Variants in GREB1L observed in about 807,000 individuals in gnomAD.
The protein encoded by GREB1L is GREB1 like retinoic acid receptor coactivator.
Under a neutral mutation model 200.8 loss-of-function variants are expected in GREB1L, and 17 were observed. The ratio of observed to expected loss-of-function variants is 0.08; its 90% CI spans 0.06 to 0.13. The LOEUF (loss-of-function observed/expected upper bound fraction) is 0.13. GREB1L is among the 10% of genes least tolerant of loss of function. The pLI, the probability that GREB1L is intolerant of heterozygous loss-of-function variation, is 1.00. For synonymous variants in GREB1L, 789 were observed against 893.0 expected, an observed-to-expected ratio of 0.88 and a Z score of 2.08; for missense variants, 1,657 against 2,367.7, an observed-to-expected ratio of 0.70 and a Z score of 6.23.
At chr18:21,482,547 C>T (rs1409621839) in intron 17 of GREB1L, among the ~76,000 whole-genome samples, 1 of 152,012 alleles carries the variant, frequency 6.6e-6, no homozygotes, top group Non-Finnish European at 1.5e-5. Context: ...GCGTGAGCCA[C>T]CGCGCCTGGC....
At chr18:21,377,543 A>G (rs2040122035) in intron 2 of GREB1L, among the ~76,000 whole-genome samples, 1 of 152,158 alleles carries the variant, frequency 6.6e-6, no homozygotes, top group Non-Finnish European at 1.5e-5. Context: ...TGGGAGGCCG[A>G]GGCGAGCAGA....
intron 14 of GREB1L, chr18:21,452,447 C>T (rs1377999726): frequency 2.3e-5 from 11 of 483,848 alleles, no homozygotes; most frequent in Middle Eastern, 5.4e-4. Flanking sequence ...AAGTCAAAGA[C>T]TTTATCTTAA....
At chr18:21,260,945 A>G (rs1351346292) in intron 1 of GREB1L, among the ~76,000 whole-genome samples, 1 of 152,022 alleles carries the variant, frequency 6.6e-6, no homozygotes, top group Non-Finnish European at 1.5e-5. Flanking sequence ...AAAACCTATT[A>G]AACAGCCAAT....
In GREB1L at chr18:21,383,525, AAT is replaced by A; in HGVS notation, c.8_9del (p.Asn3IlefsTer12). On this transcript the variant is annotated frameshift_variant, in exon 3 of 33. Coordinates refer to ENST00000424526, the MANE Select transcript of GREB1L (RefSeq NM_001142966.3). LOFTEE classifies it high-confidence loss of function. ...GGATGGGTAGGTGTAGATCATGGGGAATTCATATGCTGGGCAACTGAAATCTG... is the reference window on the plus strand; with the variant it reads ...GGATGGGTAGGTGTAGATCATGGGGATCATATGCTGGGCAACTGAAATCTG... The part of the protein sequence containing the change: MG[N>X]SYAGQLKSAR... 7.5e-7 allele frequency: 1 copy of A among 1,337,248 alleles called. No homozygotes were observed. Among genetic ancestry groups the A allele is most frequent in the Admixed American group, 2.9e-5 (1 of 34,044 alleles). 82.8% of individuals were successfully genotyped at this position (1,337,248 alleles called of 1,614,324 possible). A position where few individuals can be genotyped will look rare whatever the true frequency, so the allele number is the denominator to read the frequency against.
intron 1 of GREB1L, among the ~76,000 whole-genome samples, chr18:21,252,386 C>T (rs543922201): frequency 4.5e-4 from 67 of 149,760 alleles, no homozygotes; most frequent in Admixed American, 7.3e-4. Flanking sequence ...GGAGAAACCC[C>T]GTCTCCACTA....
In GREB1L at chr18:21,516,705, A is replaced by G; in HGVS notation, c.5222A>G (p.His1741Arg). 3 of 1,551,550 alleles carry G rather than the reference A, an allele frequency of 1.9e-6. No homozygotes were observed. Among genetic ancestry groups the G allele is most frequent in the African/African-American group, 1.4e-5 (1 of 73,158 alleles). ...RFNNFSLMKK[H>R]VQVGGQRDFI... ...AATAACTTCAGTCTCATGAAGAAAC[A>G]TGTTCAGGTTGGAGGGCAAAGGGAC... is the stretch of plus-strand genomic sequence containing the variant. The change falls in exon 30 of 33, where the codon CAT becomes CGT. Residue 1741 changes from histidine to arginine, a missense_variant. His to Arg is a conservative substitution (Grantham distance 29). Around this residue, in one of 9 missense-constraint regions of GREB1L, gnomAD observed 190 missense variants for 230.2 expected, o/e 0.83. Transcript: ENST00000424526.
intron 31 of GREB1L, among the ~76,000 whole-genome samples, chr18:21,519,236 A>G (rs1021106201): frequency 3.3e-5 from 5 of 152,172 alleles, no homozygotes; most frequent in African/African-American, 7.2e-5. Flanking sequence ...CTGAGGTGGG[A>G]GGATCACTTG....
intron 17 of GREB1L, among the ~76,000 whole-genome samples, chr18:21,478,132 A>T (rs1406461735): frequency 6.6e-6 from 1 of 152,132 alleles, no homozygotes; most frequent in African/African-American, 2.4e-5. Flanking sequence ...TTGCTCCTCC[A>T]GCAACTGGGT....
intron 2 of GREB1L, among the ~76,000 whole-genome samples, chr18:21,378,800 A>G (rs1469552436): frequency 6.6e-6 from 1 of 152,024 alleles, no homozygotes; most frequent in Non-Finnish European, 1.5e-5. Context: ...AATATTGCTA[A>G]TGCTTTTGTA....
At chr18:21,300,227 C>G (rs992582335) in intron 1 of GREB1L, among the ~76,000 whole-genome samples, 1 of 152,140 alleles carries the variant, frequency 6.6e-6, no homozygotes, top group African/African-American at 2.4e-5. Context: ...TTATGGGGTA[C>G]TTAGCCATTT....
intron 1 of GREB1L, among the ~76,000 whole-genome samples, chr18:21,334,812 T>C (rs920904250): frequency 1.6e-4 from 24 of 152,110 alleles, no homozygotes; most frequent in African/African-American, 5.3e-4. Context: ...CCTTTTGTGC[T>C]CTCTTTTAGC....
At chr18:21,501,013 G>A (rs1483410721) in intron 23 of GREB1L, among the ~76,000 whole-genome samples, 2 of 147,178 alleles carry the variant, frequency 1.4e-5, no homozygotes, top group South Asian at 2.1e-4. Flanking sequence ...GTTGCAGTGA[G>A]CCAAGATCAC....
chr18:21,431,268 G>T (rs941705730), intron 7 of GREB1L, among the ~76,000 whole-genome samples: 1 of 151,942 alleles, frequency 6.6e-6, no homozygotes, highest in East Asian at 1.9e-4. Flanking sequence ...CAAGTGATCC[G>T]CCTGCCTCGG....
chr18:21,411,311 A>G (rs913233841), intron 7 of GREB1L, among the ~76,000 whole-genome samples: 27 of 151,746 alleles, frequency 1.8e-4, no homozygotes, highest in Admixed American at 1.6e-3. Context: ...GGTTCACACC[A>G]TTCTCCTGCC....
At chr18:21,504,004 C>T (rs1430542432) in intron 23 of GREB1L, among the ~76,000 whole-genome samples, 1 of 152,032 alleles carries the variant, frequency 6.6e-6, no homozygotes, top group African/African-American at 2.4e-5. Flanking sequence ...TGCAGTGGCA[C>T]GATCTCAACT....
In GREB1L at chr18:21,251,790, C is replaced by G. The variant is rs1238112215; in HGVS notation, c.-120+9397C>G. On this transcript the variant is annotated intron_variant, in intron 1 of 32. Coordinates refer to ENST00000424526, the MANE Select transcript of GREB1L (RefSeq NM_001142966.3). ...TGAAACCCAGTCTGTACTAAAAATACAAAGATTAGCTGGGCATGGTGGCGC... is the reference window on the plus strand; with the variant it reads ...TGAAACCCAGTCTGTACTAAAAATAGAAAGATTAGCTGGGCATGGTGGCGC... Among the ~76,000 whole-genome samples the G allele has an allele frequency of 3.9e-5, 6 of 152,116 alleles. No individual in the cohort carries two copies. The East Asian group carries it at 1.2e-3, about 29-fold the overall frequency.
chr18:21,419,747 C>T (rs895085898), intron 7 of GREB1L, among the ~76,000 whole-genome samples: 11 of 152,196 alleles, frequency 7.2e-5, no homozygotes, highest in African/African-American at 2.7e-4. Context: ...CTGTGCCCAC[C>T]CACAACTGAC....
At chr18:21,357,725 G>C (rs144832975) in intron 1 of GREB1L, among the ~76,000 whole-genome samples, 1 of 152,308 alleles carries the variant, frequency 6.6e-6, no homozygotes, top group Non-Finnish European at 1.5e-5. Context: ...TGAAGAGACT[G>C]TTCTTCCCCA....
intron 1 of GREB1L, among the ~76,000 whole-genome samples, chr18:21,271,710 TCATG>T (rs965355773): frequency 6.7e-5 from 10 of 148,586 alleles, no homozygotes; most frequent in African/African-American, 2.5e-4. Context: ...TAGCCCCCAC[TCATG>T]CAGGTTGCTG....
Sources: gnomAD v4.1 joint callset for allele counts (sites outside exome capture counted in the v4.1 genomes callset) on GRCh38, gnomAD v4.1.1 for gene constraint, gnomAD v4.1.1 regional missense constraint, MANE v1.5 for transcripts, NCBI Gene and HGNC (gene_info 2026-07-23, HGNC 2026-07-21) for gene names.